Variants in ROBO1 observed in about 807,000 individuals in gnomAD.
The protein encoded by ROBO1 is roundabout homolog 1.
Under a neutral mutation model 195.9 loss-of-function variants are expected in ROBO1, and 149 were observed. That is an observed-to-expected ratio of 0.76 (90% CI 0.67 to 0.87). The LOEUF (loss-of-function observed/expected upper bound fraction) is 0.87, where lower values mean the gene tolerates loss of function less well. ROBO1 is among the 40% of genes least tolerant of loss of function. The probability of loss-of-function intolerance (pLI) is 0.00; values close to 1 mark genes in which losing one functional copy is unlikely to be tolerated. For synonymous variants in ROBO1, 816 were observed against 733.2 expected (o/e 1.11, Z -1.82); for missense variants, 1,933 against 2,068.3 (o/e 0.93, Z 1.27).
intron 8 of ROBO1, among the ~76,000 whole-genome samples, chr3:78,703,080 G>A (rs886291686): frequency 2.0e-5 from 3 of 151,722 alleles, no homozygotes; most frequent in East Asian, 1.9e-4. Context: ...ATCTTTTTTC[G>A]TCGATGAAAG....
intron 2 of ROBO1, among the ~76,000 whole-genome samples, chr3:79,289,733 G>T (rs986921276): frequency 1.3e-5 from 2 of 152,166 alleles, no homozygotes; most frequent in Non-Finnish European, 2.9e-5. Context: ...TGACTGGAGG[G>T]ATAACATTTC....
chr3:78,711,921 T>A (rs1425423644), intron 8 of ROBO1, among the ~76,000 whole-genome samples: 1 of 144,838 alleles, frequency 6.9e-6, no homozygotes, highest in African/African-American at 2.6e-5. Context: ...AGTACACAAG[T>A]AGAAAAGCCA....
intron 3 of ROBO1, among the ~76,000 whole-genome samples, chr3:79,092,409 T>A (rs1262164448): frequency 6.6e-6 from 1 of 152,012 alleles, no homozygotes; most frequent in East Asian, 1.9e-4. Context: ...ATTTAAGTGA[T>A]GTTGGATATA....
chr3:78,707,301 C>T (rs555606215), intron 8 of ROBO1, among the ~76,000 whole-genome samples: 2 of 152,208 alleles, frequency 1.3e-5, no homozygotes, highest in African/African-American at 4.8e-5. Context: ...TTGTGTCTCC[C>T]CTATTGCATG....
At chr3:79,729,414 G>A (rs1703055224) in intron 1 of ROBO1, among the ~76,000 whole-genome samples, 1 of 152,064 alleles carries the variant, frequency 6.6e-6, no homozygotes, top group Admixed American at 6.5e-5. Context: ...ATTTCCATAT[G>A]AAGTAAAAGG....
intron 2 of ROBO1, among the ~76,000 whole-genome samples, chr3:79,344,532 G>A (rs2035031000): frequency 6.6e-6 from 1 of 152,144 alleles, no homozygotes; most frequent in Non-Finnish European, 1.5e-5. Context: ...AGCAGCAACA[G>A]CGGCTATAAA....
At chr3:78,849,035 A>C (rs1174947490) in intron 4 of ROBO1, among the ~76,000 whole-genome samples, 2 of 152,166 alleles carry the variant, frequency 1.3e-5, no homozygotes, top group East Asian at 3.9e-4. Flanking sequence ...GGGGCATGAA[A>C]GGAAAGAGAA....
chr3:79,022,249 A>G lies in ROBO1; in HGVS notation c.173-83322T>C, dbSNP rs76663130. ...TCCTCACTCGTGCAAATAAACACTT[A>G]GTGAACATCATCTATGTGCAAGAAA... is the stretch of plus-strand genomic sequence containing the variant. On this transcript the variant is annotated intron_variant, in intron 3 of 30. Transcript: ENST00000464233. Among the ~76,000 whole-genome samples, 177 of 152,304 alleles carry G rather than the reference A, an allele frequency of 1.2e-3. 1 individual carries two copies. In the East Asian group the frequency reaches 0.032, roughly 28 times the overall value.
chr3:79,280,319 G>A (rs1448337327), intron 2 of ROBO1, among the ~76,000 whole-genome samples: 1 of 152,032 alleles, frequency 6.6e-6, no homozygotes, highest in Non-Finnish European at 1.5e-5. Flanking sequence ...TATATGTTTT[G>A]AAATATCATT....
intron 2 of ROBO1, among the ~76,000 whole-genome samples, chr3:79,281,434 T>G (rs2031499687): frequency 6.6e-6 from 1 of 152,276 alleles, no homozygotes; most frequent in East Asian, 1.9e-4. Flanking sequence ...GGAATACTTT[T>G]TATCTTTTTC....
chr3:79,708,882 A>ATT (rs1344109629), intron 1 of ROBO1, among the ~76,000 whole-genome samples: 5 of 152,140 alleles, frequency 3.3e-5, no homozygotes, highest in African/African-American at 1.2e-4. Context: ...ACAAGACAAT[A>ATT]AAGAACAAAT....
At chr3:78,714,179 G>T (rs771802022) in intron 8 of ROBO1, among the ~76,000 whole-genome samples, 1 of 152,072 alleles carries the variant, frequency 6.6e-6, no homozygotes, top group Non-Finnish European at 1.5e-5. Flanking sequence ...ATTCAATTTT[G>T]AACATAATTT....
intron 2 of ROBO1, among the ~76,000 whole-genome samples, chr3:79,445,898 C>T (rs1271242126): frequency 2.6e-5 from 4 of 151,980 alleles, no homozygotes; most frequent in African/African-American, 9.7e-5. Flanking sequence ...GTGATCTGCC[C>T]GCCTCAGCCT....
intron 1 of ROBO1, among the ~76,000 whole-genome samples, chr3:79,742,897 G>A (rs1483978464): frequency 6.6e-6 from 1 of 152,156 alleles, no homozygotes; most frequent in Admixed American, 6.5e-5. Context: ...CTGGGCTTTG[G>A]GTTGGAATGT....
At chr3:78,961,092 C>T (rs138117288) in intron 3 of ROBO1, among the ~76,000 whole-genome samples, 6 of 152,264 alleles carry the variant, frequency 3.9e-5, no homozygotes, top group African/African-American at 1.4e-4. Context: ...CTGCAATTTA[C>T]AGAAAATTCC....
chr3:78,924,100 C>T (rs2039085642), intron 4 of ROBO1, among the ~76,000 whole-genome samples: 1 of 151,476 alleles, frequency 6.6e-6, no homozygotes, highest in African/African-American at 2.4e-5. Flanking sequence ...CACATACACA[C>T]ATTATAAAAC....
chr3:79,256,452 T>C (rs1318566967), intron 2 of ROBO1, among the ~76,000 whole-genome samples: 1 of 152,148 alleles, frequency 6.6e-6, no homozygotes, highest in African/African-American at 2.4e-5. Flanking sequence ...AAACGTTGTA[T>C]ACAAGGTGAT....
At chr3:79,302,723 T>G (rs552631858) in intron 2 of ROBO1, among the ~76,000 whole-genome samples, 1 of 152,196 alleles carries the variant, frequency 6.6e-6, no homozygotes, top group East Asian at 1.9e-4. Flanking sequence ...TACAACATTG[T>G]GTAATTATGT....
chr3:79,320,904 C>A (rs80118181), intron 2 of ROBO1, among the ~76,000 whole-genome samples: 3,684 of 152,146 alleles, frequency 0.024, 99 homozygotes, highest in African/African-American at 0.066. Context: ...TTACATTTGT[C>A]ACCTCATATA....
Sources: gnomAD v4.1 joint callset for allele counts (sites outside exome capture counted in the v4.1 genomes callset) on GRCh38, gnomAD v4.1.1 for gene constraint, MANE v1.5 for transcripts, NCBI Gene and HGNC (gene_info 2026-07-23, HGNC 2026-07-21) for gene names.